Variants in FARSB observed in about 807,000 individuals in gnomAD.
FARSB encodes the protein phenylalanine--tRNA ligase beta subunit.
In FARSB, 40 loss-of-function variants were observed where a neutral mutation model predicts 69.6. The ratio of observed to expected loss-of-function variants is 0.57; its 90% confidence interval spans 0.45 to 0.75. The LOEUF (loss-of-function observed/expected upper bound fraction) is 0.75. Ranked by LOEUF, FARSB falls within the 30% of genes least tolerant of loss-of-function variation. The pLI is 0.00. For synonymous variants in FARSB, 235 were observed against 247.2 expected, an observed-to-expected ratio of 0.95 and a Z score of 0.46; for missense variants, 632 against 722.9, an observed-to-expected ratio of 0.87 and a Z score of 1.44.
intron 15 of FARSB, among the ~76,000 whole-genome samples, chr2:222,608,819 G>C (rs1349358458): frequency 6.6e-6 from 1 of 152,184 alleles, no homozygotes; most frequent in East Asian, 1.9e-4. Context: ...GGCTTAGCCT[G>C]CTTCATGAAG....
intron 16 of FARSB, among the ~76,000 whole-genome samples, chr2:222,591,719 G>A (rs1690280629): frequency 6.6e-6 from 1 of 152,044 alleles, no homozygotes; most frequent in South Asian, 2.1e-4. Flanking sequence ...CTTATCAGTG[G>A]GAGCCAAGAA....
chr2:222,632,902 C>G (rs1040526445), intron 7 of FARSB, among the ~76,000 whole-genome samples: 7 of 150,958 alleles, frequency 4.6e-5, no homozygotes, highest in African/African-American at 2.4e-5. Flanking sequence ...TGAGTTTAAC[C>G]AAGTGAATTA....
At chr2:222,634,688 A>T in intron 5 of FARSB, 147 bp from the exon 6 acceptor site, 2 of 548,368 alleles carry the variant, frequency 3.6e-6, no homozygotes, top group Non-Finnish European at 6.1e-6. Context: ...CTTCCCTGAA[A>T]CAGCATATTG....
intron 1 of FARSB, among the ~76,000 whole-genome samples, chr2:222,653,357 AAGAG>A (rs1339305153): frequency 7.1e-6 from 1 of 141,756 alleles, no homozygotes; most frequent in Non-Finnish European, 1.5e-5. Context: ...GGAGGGACTA[AAGAG>A]AGAGAATGTG....
rs954916476 is a variant in FARSB, at chr2:222,630,100, T to G, written c.848+13A>C. The G allele has an allele frequency of 1.3e-6, 2 of 1,500,044 alleles. No individual in the cohort carries two copies. Among genetic ancestry groups the G allele is most frequent in the Non-Finnish European group, 1.8e-6 (2 of 1,096,878 alleles). The allele number at this position is 1,500,044 out of a possible 1,614,324, so 92.9% of individuals were successfully genotyped here. ...AACAATGGGCCATCAATAAAGGTGC[T>G]GGATGAACTTACGTAAATTGATTCT... On this transcript the variant is annotated intron_variant, in intron 9 of 16. Coordinates refer to ENST00000281828, the MANE Select transcript of FARSB (RefSeq NM_005687.5).
intron 15 of FARSB, among the ~76,000 whole-genome samples, chr2:222,602,938 T>C (rs1690601720): frequency 6.6e-6 from 1 of 152,072 alleles, no homozygotes; most frequent in African/African-American, 2.4e-5. Context: ...AAATTAGACA[T>C]ATTGTATCTA....
chr2:222,590,796 T>C (rs1266083345), intron 16 of FARSB, among the ~76,000 whole-genome samples: 2 of 152,186 alleles, frequency 1.3e-5, no homozygotes, highest in South Asian at 2.1e-4. Context: ...TGAAACAAAA[T>C]TGACTCTGTA....
At chr2:222,648,607 C>T (rs1327395083) in intron 2 of FARSB, 133 bp downstream of exon 2, 5 of 700,314 alleles carry the variant, frequency 7.1e-6, no homozygotes, top group African/African-American at 5.3e-5. Context: ...GCCCTCTGAA[C>T]ACAGAAATCA....
chr2:222,603,679 ATATTATATAT>A (rs11276764), intron 15 of FARSB, among the ~76,000 whole-genome samples: 41,904 of 145,974 alleles, frequency 0.29, 6,881 homozygotes, highest in Non-Finnish European at 0.37. Context: ...AATTAATATT[ATATTATATAT>A]TATTATATAT....
Position 222,568,236 on chromosome 2 carries a change from TTTTTA to T in FARSB, c.*3630_*3634del, listed in dbSNP as rs2106168149. ...CAGTAAGGCCACAGTTTGCAGAGTT[TTTTTA>T]AAGTATTGGACTTAACAATTTTTAA... On this transcript the variant is annotated 3_prime_UTR_variant, in exon 17 of 17. Transcript: ENST00000281828. This position sits in a 1 kb window ranked among gnomAD's most constrained non-coding sequence, Gnocchi z 4.3. 1 of 152,314 alleles carries T rather than the reference TTTTTA, an allele frequency of 6.6e-6. No homozygotes were observed. The highest frequency in any genetic ancestry group is 2.4e-5 in the African/African-American group (1 of 41,586). The allele number at this position is 152,314 out of a possible 1,614,324, so 9.4% of individuals were successfully genotyped here.
chr2:222,605,202 C>CCTTT (rs961608852), intron 15 of FARSB, among the ~76,000 whole-genome samples: 13 of 54,244 alleles, frequency 2.4e-4, no homozygotes, highest in African/African-American at 9.5e-4. Context: ...TCTGTGTCTC[C>CCTTT]CTTTCTTTCA....
intron 2 of FARSB, 85 bp from the exon 3 acceptor site, chr2:222,643,090 TA>T: frequency 1.5e-6 from 1 of 665,346 alleles, no homozygotes; most frequent in Non-Finnish European, 2.5e-6. Flanking sequence ...TATAAGGCAG[TA>T]ACTACATTAT....
intron 16 of FARSB, among the ~76,000 whole-genome samples, chr2:222,594,472 A>C (rs1244226433): frequency 6.6e-6 from 1 of 152,208 alleles, no homozygotes; most frequent in African/African-American, 2.4e-5. Context: ...ATAACCCTGC[A>C]TCGAAATTTT....
intron 15 of FARSB, among the ~76,000 whole-genome samples, chr2:222,600,890 T>C (rs776358858): frequency 2.6e-5 from 4 of 152,224 alleles, no homozygotes; most frequent in Admixed American, 6.5e-5. Flanking sequence ...CTTTGTAATA[T>C]TTTAAAAACT....
At position 222,600,017 on chromosome 2, in the gene FARSB, A is replaced by G. The variant is rs745671879; in HGVS notation, c.1529T>C (p.Ile510Thr). The G allele has an allele frequency of 6.2e-7, 1 of 1,612,248 alleles. No individual in the cohort carries two copies. The highest frequency in any genetic ancestry group is 1.1e-5 in the South Asian group (1 of 90,602). The change falls in exon 16 of 17, where the codon ATC becomes ACC. Residue 510 changes from isoleucine to threonine, a missense_variant. Physicochemically the swap from Ile to Thr is moderately conservative, Grantham distance 89. Coordinates refer to ENST00000281828, the MANE Select transcript of FARSB (RefSeq NM_005687.5). Reference protein sequence around the residue: ...VYYNKNPGFEIIHGLLDRIMQ... With the variant: ...VYYNKNPGFETIHGLLDRIMQ... ...AATTCTGTCCAGCAGCCCATGAATG[A>G]TCTCAAACCCAGGATTCTTGTTGTA...
intron 16 of FARSB, among the ~76,000 whole-genome samples, chr2:222,591,316 C>T (rs1690269569): frequency 6.6e-6 from 1 of 151,960 alleles, no homozygotes; most frequent in Admixed American, 6.6e-5. Flanking sequence ...AAAATAATTA[C>T]TCTTAATTTT....
rs762745436 is a variant in FARSB at position 222,619,749 on chromosome 2, A to C, written c.1252-12T>G. 4.2e-6 allele frequency: 6 copies of C among 1,441,670 alleles called. 1 individual carries two copies. In the African/African-American group the frequency reaches 8.4e-5, roughly 20 times the overall value. The allele number at this position is 1,441,670 out of a possible 1,614,324, so 89.3% of individuals were successfully genotyped here. On this transcript the variant is annotated splice_polypyrimidine_tract_variant and intron_variant, in intron 13 of 16. Transcript: ENST00000281828. ...TCTTCTTGGGAGCACTGTGAAGTAC[A>C]CACAAAACAGATTAATATGGAAAAG...
At chr2:222,572,558 T>G (rs773765705) in intron 16 of FARSB, among the ~76,000 whole-genome samples, 1 of 152,178 alleles carries the variant, frequency 6.6e-6, no homozygotes, top group Non-Finnish European at 1.5e-5. Context: ...GGCCGGCTAC[T>G]GGGGGAACCA....
At chr2:222,643,909 TC>T (rs1479018892) in intron 2 of FARSB, among the ~76,000 whole-genome samples, 3 of 152,248 alleles carry the variant, frequency 2.0e-5, no homozygotes, top group Admixed American at 2.0e-4. Context: ...TACACTCTAT[TC>T]CTTATGTTTA....
Sources: gnomAD v4.1 joint callset for allele counts (sites outside exome capture counted in the v4.1 genomes callset) on GRCh38, gnomAD v4.1.1 for gene constraint, Gnocchi (gnomAD v3.1) non-coding constraint, MANE v1.5 for transcripts, NCBI Gene and HGNC (gene_info 2026-07-23, HGNC 2026-07-21) for gene names.